Variants in OLA1 observed in about 807,000 individuals in gnomAD.
OLA1 encodes the protein obg-like ATPase 1.
In OLA1, 14 loss-of-function variants were observed where a neutral mutation model predicts 48.4. That is an observed-to-expected ratio of 0.29 (90% CI 0.19 to 0.45). The LOEUF is 0.45. Among genes scored for constraint, OLA1 ranks in the 20% least tolerant of loss-of-function variants. OLA1 has a pLI of 1.00. For missense variants in OLA1, 325 were observed against 467.1 expected (o/e 0.70, Z 2.80); for synonymous variants, 127 against 150.4 (o/e 0.84, Z 1.14).
chr2:174,183,193 T>C (rs1264252069), intron 4 of OLA1, among the ~76,000 whole-genome samples: 1 of 152,136 alleles, frequency 6.6e-6, no homozygotes, highest in East Asian at 1.9e-4. Context: ...CAAGTGCAGT[T>C]CTGAGGGAGG....
intron 5 of OLA1, among the ~76,000 whole-genome samples, chr2:174,130,234 G>C (rs1259505206): frequency 4.6e-5 from 7 of 152,106 alleles, no homozygotes; most frequent in African/African-American, 1.7e-4. Flanking sequence ...TATTTATGGA[G>C]GCAGGAGTAC....
intron 2 of OLA1, among the ~76,000 whole-genome samples, chr2:174,232,996 CAT>C (rs1298207730): frequency 5.3e-5 from 8 of 152,258 alleles, no homozygotes; most frequent in Admixed American, 5.2e-4. Flanking sequence ...ATGTTATCTA[CAT>C]ATGATAGAAC....
In OLA1 at chr2:174,123,648, C is replaced by G; in HGVS notation, c.577G>C (p.Val193Leu). The change falls in exon 6 of 11, where the codon GTT becomes CTT. Residue 193 changes from valine (V) to leucine (L), a missense_variant. Transcript: ENST00000284719. ...YDIMCKVKSWVIDQKKPVRFY... is the reference protein window; with the variant it reads ...YDIMCKVKSWLIDQKKPVRFY... ...CGAACAGGTTTCTTTTGATCTATAA[C>G]CCAGGATTTTACTTTGCACATTATA... The G allele has an allele frequency of 6.3e-7, 1 of 1,595,112 alleles. No individual in the cohort carries two copies. Among genetic ancestry groups the G allele is most frequent in the Non-Finnish European group, 8.5e-7 (1 of 1,171,728 alleles).
intron 4 of OLA1, among the ~76,000 whole-genome samples, chr2:174,220,866 C>T (rs1688484159): frequency 6.6e-6 from 1 of 152,066 alleles, no homozygotes; most frequent in Non-Finnish European, 1.5e-5. Context: ...TTTTTTCTGT[C>T]CCCTAACTTT....
At chr2:174,084,740 C>T (rs565007372) in intron 7 of OLA1, among the ~76,000 whole-genome samples, 2 of 151,992 alleles carry the variant, frequency 1.3e-5, no homozygotes, top group Non-Finnish European at 2.9e-5. Context: ...GCTATTGGCA[C>T]GAGGGATATA....
intron 4 of OLA1, among the ~76,000 whole-genome samples, chr2:174,186,718 T>C (rs985947022): frequency 2.6e-5 from 4 of 151,720 alleles, no homozygotes; most frequent in Non-Finnish European, 4.4e-5. Context: ...TTATCGAAAA[T>C]GTTGGAAAAA....
intron 4 of OLA1, among the ~76,000 whole-genome samples, chr2:174,216,973 A>G (rs7602008): frequency 0.54 from 81,985 of 152,064 alleles, 22,732 homozygotes; most frequent in East Asian, 0.95. Context: ...GTCAGCAGTA[A>G]GCTATTTGTA....
At chr2:174,245,400 A>G (rs1021599686) in intron 2 of OLA1, among the ~76,000 whole-genome samples, 2 of 152,170 alleles carry the variant, frequency 1.3e-5, no homozygotes, top group African/African-American at 4.8e-5. Context: ...TGGTCACGCC[A>G]TGCTCTGTTC....
At chr2:174,076,658 T>A (rs187964759) in intron 10 of OLA1, among the ~76,000 whole-genome samples, 1 of 152,138 alleles carries the variant, frequency 6.6e-6, no homozygotes, top group East Asian at 1.9e-4. Context: ...TATAAAACTG[T>A]CCTGATTTTA....
chr2:174,207,996 CTG>C (rs1688156010), intron 4 of OLA1, among the ~76,000 whole-genome samples: 1 of 152,108 alleles, frequency 6.6e-6, no homozygotes, highest in African/African-American at 2.4e-5. Flanking sequence ...CGAGGGATGA[CTG>C]TAATGCATTT....
intron 7 of OLA1, among the ~76,000 whole-genome samples, chr2:174,103,795 C>T (rs760296363): frequency 1.1e-4 from 16 of 152,008 alleles, no homozygotes; most frequent in Non-Finnish European, 1.3e-4. Context: ...AAACAAGAGA[C>T]AAGTAACCAA....
chr2:174,197,525 A>C (rs544478220), intron 4 of OLA1, among the ~76,000 whole-genome samples: 1 of 152,186 alleles, frequency 6.6e-6, no homozygotes, highest in East Asian at 1.9e-4. Flanking sequence ...CCCCAACTCC[A>C]ATGAAGCCCA....
chr2:174,235,223 G>A (rs1043717499), intron 2 of OLA1, among the ~76,000 whole-genome samples: 10 of 152,102 alleles, frequency 6.6e-5, no homozygotes, highest in African/African-American at 1.2e-4. Context: ...AAGGCACACA[G>A]TTACTGCTGA....
intron 7 of OLA1, among the ~76,000 whole-genome samples, chr2:174,118,005 G>A (rs1028380033): frequency 6.6e-5 from 10 of 152,104 alleles, no homozygotes; most frequent in Admixed American, 2.6e-4. Flanking sequence ...TGTGAGGCAC[G>A]GCTGGGGAGG....
chr2:174,225,045 G>A (rs75330555), intron 3 of OLA1, among the ~76,000 whole-genome samples: 7,857 of 152,242 alleles, frequency 0.052, 282 homozygotes, highest in Middle Eastern at 0.12. Flanking sequence ...CGTAATGGTG[G>A]AGGTGGGGCC....
At chr2:174,162,196 T>C (rs1687027085) in intron 4 of OLA1, among the ~76,000 whole-genome samples, 1 of 152,120 alleles carries the variant, frequency 6.6e-6, no homozygotes, top group Non-Finnish European at 1.5e-5. Flanking sequence ...GAGGAAAATT[T>C]AGAACAGAAA....
At chr2:174,103,667 A>G (rs1226960764) in intron 7 of OLA1, among the ~76,000 whole-genome samples, 1 of 152,204 alleles carries the variant, frequency 6.6e-6, no homozygotes, top group African/African-American at 2.4e-5. Flanking sequence ...CAGCTATTTG[A>G]TCAATCAACA....
chr2:174,230,103 T>G (rs1425955118), intron 2 of OLA1, among the ~76,000 whole-genome samples: 3 of 152,172 alleles, frequency 2.0e-5, no homozygotes, highest in Admixed American at 2.0e-4. Flanking sequence ...TTGACTGCTA[T>G]CAAGTAATAC....
intron 5 of OLA1, among the ~76,000 whole-genome samples, chr2:174,139,183 C>T (rs1212478967): frequency 6.6e-6 from 1 of 152,108 alleles, no homozygotes; most frequent in Non-Finnish European, 1.5e-5. Flanking sequence ...GGAAGGTGGG[C>T]CTTTAAGCCA....
Sources: allele counts gnomAD v4.1 joint callset (sites outside exome capture counted in the v4.1 genomes callset), GRCh38; gene constraint gnomAD v4.1.1; transcripts MANE v1.5; gene names NCBI Gene and HGNC (gene_info 2026-07-23, HGNC 2026-07-21).